Variants in RALYL observed in about 807,000 individuals in gnomAD.
RALYL encodes the protein RNA-binding Raly-like protein.
RALYL carries 29 observed loss-of-function variants against 35.1 expected under a neutral mutation model. That is an observed-to-expected ratio of 0.83 (90% confidence interval 0.61 to 1.13). The LOEUF is 1.13. Ranked by LOEUF, RALYL falls within the 50% of genes most tolerant of loss-of-function variation. The pLI is 0.00. For synonymous variants in RALYL, 120 were observed against 127.6 expected (o/e 0.94, Z 0.40); for missense variants, 359 against 360.4 (o/e 1.00, Z 0.03).
chr8:84,877,553 T>C (rs1029947476), intron 7 of RALYL, among the ~76,000 whole-genome samples: 7 of 152,096 alleles, frequency 4.6e-5, no homozygotes, highest in Admixed American at 3.9e-4. Flanking sequence ...AAGGGAGCTA[T>C]AGTATTCTCA....
At chr8:84,649,118 T>A (rs1828131580) in intron 2 of RALYL, among the ~76,000 whole-genome samples, 1 of 152,104 alleles carries the variant, frequency 6.6e-6, no homozygotes, top group Non-Finnish European at 1.5e-5. Flanking sequence ...TAGGTTCACA[T>A]AAGGATTGCA....
At chr8:84,511,818 A>G (rs1028955237) in intron 1 of RALYL, among the ~76,000 whole-genome samples, 1 of 152,066 alleles carries the variant, frequency 6.6e-6, no homozygotes, top group African/African-American at 2.4e-5. Context: ...GGCCTGGTTT[A>G]TTTCACTTAA....
rs187588861 is a variant in RALYL, at chr8:84,910,290, A to C, written c.859-10604A>C. Among the ~76,000 whole-genome samples, 3 of 152,240 alleles carry C rather than the reference A, an allele frequency of 2.0e-5. No individual in the cohort carries two copies. The East Asian group carries it at 5.8e-4, about 29-fold the overall frequency. On this transcript the variant is annotated intron_variant, in intron 8 of 8. Coordinates refer to ENST00000521268, the MANE Select transcript of RALYL (RefSeq NM_173848.7). ...AAAATTAGATATTTTTTTCAAATGA[A>C]AACTGGAAATGAAGAAAAAGATGTC...
chr8:84,870,111 G>A (rs1839926184), intron 6 of RALYL, among the ~76,000 whole-genome samples: 1 of 152,010 alleles, frequency 6.6e-6, no homozygotes. Flanking sequence ...TTTGTCCTAG[G>A]AACTTTGTAA....
intron 1 of RALYL, among the ~76,000 whole-genome samples, chr8:84,354,286 TGCAAC>T (rs1416804999): frequency 6.6e-6 from 1 of 150,432 alleles, no homozygotes; most frequent in Non-Finnish European, 1.5e-5. Flanking sequence ...AATTCTGGGA[TGCAAC>T]TCTTTTTTTC....
At chr8:84,893,451 C>A (rs1844210916) in intron 8 of RALYL, among the ~76,000 whole-genome samples, 1 of 152,142 alleles carries the variant, frequency 6.6e-6, no homozygotes, top group Non-Finnish European at 1.5e-5. Flanking sequence ...ATTAAAGTGG[C>A]CTTTGCCATA....
chr8:84,687,580 T>A (rs1384156119), intron 2 of RALYL, among the ~76,000 whole-genome samples: 3 of 152,090 alleles, frequency 2.0e-5, no homozygotes, highest in Non-Finnish European at 4.4e-5. Flanking sequence ...GTATCTTGTT[T>A]AGCTCAGTTA....
intron 4 of RALYL, among the ~76,000 whole-genome samples, chr8:84,817,843 T>C (rs1276517772): frequency 6.6e-6 from 1 of 152,106 alleles, no homozygotes; most frequent in East Asian, 1.9e-4. Context: ...GCATGAGCCA[T>C]CATACTGGGT....
intron 2 of RALYL, among the ~76,000 whole-genome samples, chr8:84,568,597 C>G (rs1471599687): frequency 2.1e-5 from 3 of 141,136 alleles, no homozygotes; most frequent in African/African-American, 5.3e-5. Context: ...AATGGTATTT[C>G]TAGTTCTAGA....
At position 84,612,862 on chromosome 8, in the gene RALYL, A is replaced by G. The variant is rs191088990; in HGVS notation, c.256+83285A>G. ...TTTTTAAATGCATGTTTATGAATCC[A>G]TAGTGACACTGCACAAAGAAAAAAA... On this transcript the variant is annotated intron_variant, in intron 2 of 8. Transcript: ENST00000521268. 1.3e-3 allele frequency among the ~76,000 whole-genome samples: 204 copies of G among 151,834 alleles called. 1 individual carries two copies. Among genetic ancestry groups the G allele is most frequent in the Middle Eastern group, 3.4e-3 (1 of 294 alleles).
At chr8:84,241,854 A>C (rs182981222) in intron 1 of RALYL, among the ~76,000 whole-genome samples, 16 of 151,314 alleles carry the variant, frequency 1.1e-4, no homozygotes, top group Admixed American at 1.1e-3. Context: ...TTTTTTCTTC[A>C]ACTTTTCAGT....
intron 1 of RALYL, among the ~76,000 whole-genome samples, chr8:84,375,111 G>A (rs964198972): frequency 6.6e-6 from 1 of 151,878 alleles, no homozygotes; most frequent in African/African-American, 2.4e-5. Flanking sequence ...GACACATAAT[G>A]TGTAATAATC....
At chr8:84,462,397 C>T (rs1381218114) in intron 1 of RALYL, among the ~76,000 whole-genome samples, 3 of 150,504 alleles carry the variant, frequency 2.0e-5, no homozygotes, top group Admixed American at 6.6e-5. Flanking sequence ...TGACTTGTTC[C>T]GTCCTCTGAA....
At chr8:84,505,918 T>C (rs2057129791) in intron 1 of RALYL, among the ~76,000 whole-genome samples, 1 of 152,158 alleles carries the variant, frequency 6.6e-6, no homozygotes, top group Admixed American at 6.6e-5. Flanking sequence ...TTGTCATTTT[T>C]ACTCATATTA....
At chr8:84,525,917 G>A (rs2058845623) in intron 1 of RALYL, among the ~76,000 whole-genome samples, 1 of 142,608 alleles carries the variant, frequency 7.0e-6, no homozygotes, top group Non-Finnish European at 1.5e-5. Flanking sequence ...TGTATTTTAT[G>A]TGATTGAATG....
chr8:84,217,934 C>G (rs530843335), intron 1 of RALYL, among the ~76,000 whole-genome samples: 1 of 152,040 alleles, frequency 6.6e-6, no homozygotes, highest in Non-Finnish European at 1.5e-5. Flanking sequence ...TATTATCAAG[C>G]TCATTAACAT....
chr8:84,751,719 T>A (rs1239422495), intron 2 of RALYL, among the ~76,000 whole-genome samples: 1 of 152,088 alleles, frequency 6.6e-6, no homozygotes, highest in Admixed American at 6.6e-5. Flanking sequence ...ACAACCTTCC[T>A]CCTGCCTGGC....
intron 1 of RALYL, among the ~76,000 whole-genome samples, chr8:84,467,248 TG>T (rs2051833894): frequency 6.6e-6 from 1 of 152,140 alleles, no homozygotes. Context: ...GTGTCAGTTT[TG>T]GATCTTTCCT....
chr8:84,905,424 T>C (rs962880786), intron 8 of RALYL, among the ~76,000 whole-genome samples: 1 of 152,158 alleles, frequency 6.6e-6, no homozygotes, highest in African/African-American at 2.4e-5. Context: ...TTCAATTTCT[T>C]TGGATAAACA....
Sources: allele counts gnomAD v4.1 joint callset (sites outside exome capture counted in the v4.1 genomes callset), GRCh38; gene constraint gnomAD v4.1.1; transcripts MANE v1.5; gene names NCBI Gene and HGNC (gene_info 2026-07-23, HGNC 2026-07-21).